FSHR: variants seen among roughly 807,000 people sequenced by gnomAD.
FSHR encodes follicle-stimulating hormone receptor.
FSHR carries 46 observed loss-of-function variants against 52.1 expected under a neutral mutation model. The ratio of observed to expected loss-of-function variants is 0.88; its 90% confidence interval spans 0.70 to 1.13. FSHR has a LOEUF of 1.13. FSHR is among the 50% of genes most tolerant of loss of function. The pLI, the probability that FSHR is intolerant of heterozygous loss-of-function variation, is 0.00. For missense variants in FSHR, 964 were observed against 834.6 expected, an observed-to-expected ratio of 1.16 and a Z score of -1.91; for synonymous variants, 399 against 309.6, an observed-to-expected ratio of 1.29 and a Z score of -3.03.
At chr2:49,070,662 CAGT>C (rs1176983120) in intron 1 of FSHR, among the ~76,000 whole-genome samples, 2 of 152,056 alleles carry the variant, frequency 1.3e-5, no homozygotes, top group Non-Finnish European at 2.9e-5. Flanking sequence ...GATTCAGCCC[CAGT>C]AGTGTGCATG....
rs1005398699 is a variant in FSHR at position 49,036,269 on chromosome 2, G to A, written c.225-16109C>T. The stretch of plus-strand genomic sequence containing the variant: ...GAAATTATTTTTCTTCCTCTTTTGG[G>A]GTCTGAAATTTATTACCACCAAAAA... On this transcript the variant is annotated intron_variant, in intron 2 of 9. Transcript: ENST00000406846. Among the ~76,000 whole-genome samples the A allele has an allele frequency of 1.5e-4, 23 of 151,618 alleles. 1 individual carries two copies. The highest frequency in any genetic ancestry group is 4.4e-5 in the Non-Finnish European group (3 of 67,910).
chr2:49,145,901 G>A (rs953700050), intron 1 of FSHR, among the ~76,000 whole-genome samples: 4 of 152,026 alleles, frequency 2.6e-5, no homozygotes, highest in Non-Finnish European at 5.9e-5. Flanking sequence ...ATTCAGGCTG[G>A]AGAAAATAGT....
intron 1 of FSHR, among the ~76,000 whole-genome samples, chr2:49,075,657 T>C (rs968865533): frequency 2.6e-5 from 4 of 152,108 alleles, no homozygotes; most frequent in African/African-American, 9.7e-5. Flanking sequence ...TGAGACAGTC[T>C]TGCTCTGTCA....
At chr2:49,065,703 C>A (rs975197829) in intron 2 of FSHR, among the ~76,000 whole-genome samples, 1 of 151,828 alleles carries the variant, frequency 6.6e-6, no homozygotes, top group African/African-American at 2.4e-5. Flanking sequence ...GTTTAGGAAC[C>A]CTGGTAATAA....
intron 2 of FSHR, among the ~76,000 whole-genome samples, chr2:49,036,034 C>T (rs963167212): frequency 3.9e-5 from 6 of 152,178 alleles, no homozygotes; most frequent in East Asian, 1.9e-4. Flanking sequence ...AACCCATGAT[C>T]GATACATGGA....
At chr2:49,153,330 C>G (rs545467975) in intron 1 of FSHR, among the ~76,000 whole-genome samples, 1 of 152,302 alleles carries the variant, frequency 6.6e-6, no homozygotes, top group South Asian at 2.1e-4. Context: ...ATCCCTGAGT[C>G]CCAACTTGCC....
At chr2:49,049,167 C>G (rs374170931) in intron 2 of FSHR, among the ~76,000 whole-genome samples, 2 of 149,296 alleles carry the variant, frequency 1.3e-5, no homozygotes, top group East Asian at 4.0e-4. Context: ...TAGACAAAAA[C>G]ATTGAGTTAC....
intron 2 of FSHR, among the ~76,000 whole-genome samples, chr2:49,024,156 G>A (rs1308092660): frequency 6.6e-6 from 1 of 152,160 alleles, no homozygotes; most frequent in Non-Finnish European, 1.5e-5. Context: ...GCTGTGACCA[G>A]TAGTTAAAGG....
intron 4 of FSHR, among the ~76,000 whole-genome samples, chr2:49,011,444 T>A (rs1294539703): frequency 6.6e-6 from 1 of 152,186 alleles, no homozygotes; most frequent in Non-Finnish European, 1.5e-5. Flanking sequence ...GAGCTTGACT[T>A]CCAAGTATGT....
At chr2:49,023,876 G>C (rs904335382) in intron 2 of FSHR, among the ~76,000 whole-genome samples, 2 of 152,114 alleles carry the variant, frequency 1.3e-5, no homozygotes, top group African/African-American at 2.4e-5. Context: ...CATTCTCTCT[G>C]GTGTGGGTTT....
rs1010341204 is a variant in FSHR, at chr2:49,090,875, G to A, written c.153-22585C>T. 3.3e-5 allele frequency among the ~76,000 whole-genome samples: 5 copies of A among 152,156 alleles called. No homozygotes were observed. In the East Asian group the frequency reaches 9.7e-4, roughly 29 times the overall value. ...ATGGCTACATTGTTTCCTTAGTGCT[G>A]AGCATGTTTTGTTGTGCTTATTTGT... On this transcript the variant is annotated intron_variant, in intron 1 of 9. Coordinates refer to ENST00000406846, the MANE Select transcript of FSHR (RefSeq NM_000145.4).
At chr2:48,975,226 C>T (rs1559085083) in intron 8 of FSHR, among the ~76,000 whole-genome samples, 1 of 152,104 alleles carries the variant, frequency 6.6e-6, no homozygotes, top group African/African-American at 2.4e-5. Flanking sequence ...CCCTTCTTCT[C>T]CTACTTTTAG....
At chr2:49,101,237 G>C (rs1671015059) in intron 1 of FSHR, among the ~76,000 whole-genome samples, 1 of 152,102 alleles carries the variant, frequency 6.6e-6, no homozygotes, top group East Asian at 1.9e-4. Context: ...GCTAGAGGGA[G>C]AGAAAGTCAA....
At chr2:48,978,077 T>TAATTTAA (rs1675073067) in intron 8 of FSHR, among the ~76,000 whole-genome samples, 6 of 152,238 alleles carry the variant, frequency 3.9e-5, no homozygotes. Context: ...AGAGACTTAG[T>TAATTTAA]AATTTAAAAT....
chr2:49,118,843 C>T (rs894156430), intron 1 of FSHR, among the ~76,000 whole-genome samples: 3 of 152,192 alleles, frequency 2.0e-5, no homozygotes, highest in African/African-American at 7.2e-5. Context: ...AAATATTCCA[C>T]CCCTTGGTTT....
At chr2:48,997,222 A>C (rs923667059) in intron 4 of FSHR, 1 of 984,924 alleles carries the variant, frequency 1.0e-6, no homozygotes, top group Non-Finnish European at 1.2e-6. Context: ...ATTTTGTGTA[A>C]GAAATTATGT....
Position 48,963,943 on chromosome 2 carries a change from T to A in FSHR, c.878A>T (p.Asn293Ile). ...RQISELHPIC[N>I]KSILRQEVDY... ...AACTTCTTGCCTTAAAATAGATTTGTTGCAAATTGGATGAAGCTCAGAGCT... is the reference window on the plus strand; with the variant it reads ...AACTTCTTGCCTTAAAATAGATTTGATGCAAATTGGATGAAGCTCAGAGCT... Residue 293 changes from asparagine to isoleucine, a missense_variant, in exon 10 of 10, where the codon AAC becomes ATC. By Grantham distance (149) the Asn-to-Ile change is moderately radical. Coordinates refer to ENST00000406846, the MANE Select transcript of FSHR (RefSeq NM_000145.4). 1 of 1,613,672 alleles carries A rather than the reference T, an allele frequency of 6.2e-7. No individual in the cohort carries two copies.
intron 4 of FSHR, among the ~76,000 whole-genome samples, chr2:48,996,674 A>G (rs534232500): frequency 6.6e-6 from 1 of 152,268 alleles, no homozygotes; most frequent in African/African-American, 2.4e-5. Flanking sequence ...CTTGATTTTC[A>G]GCATGACAGC....
chr2:49,119,484 G>A (rs1298288961), intron 1 of FSHR, among the ~76,000 whole-genome samples: 5 of 151,522 alleles, frequency 3.3e-5, no homozygotes, highest in Non-Finnish European at 7.4e-5. Context: ...TCCCTTTTAA[G>A]CCCATCAATT....
Sources: allele counts gnomAD v4.1 joint callset (sites outside exome capture counted in the v4.1 genomes callset), GRCh38; gene constraint gnomAD v4.1.1; transcripts MANE v1.5; gene names NCBI Gene and HGNC (gene_info 2026-07-23, HGNC 2026-07-21).